Variants in NLRP14 observed in about 807,000 individuals in gnomAD.
The protein encoded by NLRP14 is NACHT, LRR and PYD domains-containing protein 14.
A neutral mutation model predicts 94.7 loss-of-function variants in NLRP14; 105 were observed. The ratio of observed to expected loss-of-function variants is 1.11; its 90% CI spans 0.95 to 1.30. The LOEUF (loss-of-function observed/expected upper bound fraction) is 1.30. NLRP14 is among the 50% of genes most tolerant of loss of function. The pLI, the probability that NLRP14 is intolerant of heterozygous loss-of-function variation, is 0.00. For synonymous variants in NLRP14, 508 were observed against 459.9 expected (o/e 1.10, Z -1.34); for missense variants, 1,362 against 1,254.1 (o/e 1.09, Z -1.30).
At chr11:7,049,192 A>T (rs1239079755) in intron 5 of NLRP14, among the ~76,000 whole-genome samples, 2 of 152,208 alleles carry the variant, frequency 1.3e-5, no homozygotes, top group Non-Finnish European at 2.9e-5. Flanking sequence ...ATTTAACTTC[A>T]TAATATTTTG....
intron 8 of NLRP14, among the ~76,000 whole-genome samples, chr11:7,058,742 C>A (rs758923525): frequency 2.0e-5 from 3 of 151,896 alleles, no homozygotes; most frequent in African/African-American, 7.2e-5. Flanking sequence ...AGATAATGCA[C>A]CTTGCTTAAT....
chr11:7,026,707 G>A (rs924089390), intron 1 of NLRP14, among the ~76,000 whole-genome samples: 3 of 150,190 alleles, frequency 2.0e-5, no homozygotes, highest in African/African-American at 4.9e-5. Context: ...ACATGCACAC[G>A]TATGTTTATT....
chr11:7,088,239 A>G, the NLRP14 span, among the ~76,000 whole-genome samples: 47 of 152,346 alleles, frequency 3.1e-4, no homozygotes, highest in African/African-American at 1.1e-3. Context: ...CGTACAGAGC[A>G]TATTAAAAAA....
the NLRP14 span, among the ~76,000 whole-genome samples, chr11:7,079,161 C>CT: frequency 6.6e-6 from 1 of 152,218 alleles, no homozygotes. Flanking sequence ...AAGATGATTC[C>CT]TTTTTCTCTT....
In NLRP14 at chr11:7,031,205, C is replaced by T. The variant is rs16921596; in HGVS notation, c.-21-7361C>T. ...CTTTTGGCGCTTATACCCTTTGCCA[C>T]CGACGCCTGGTGAGACCGAGGTATG... On this transcript the variant is annotated intron_variant, in intron 1 of 11. Coordinates refer to ENST00000299481, the MANE Select transcript of NLRP14 (RefSeq NM_176822.4). Among the ~76,000 whole-genome samples the T allele has an allele frequency of 8.0e-3, 1,225 of 152,346 alleles. 14 individuals carry two copies. The highest frequency in any genetic ancestry group is 0.027 in the African/African-American group (1,141 of 41,580).
chr11:7,078,535 A>G, the NLRP14 span, among the ~76,000 whole-genome samples: 2 of 151,014 alleles, frequency 1.3e-5, no homozygotes, highest in African/African-American at 4.9e-5. Flanking sequence ...CACACCTGTA[A>G]TCCCAGCACT....
chr11:7,022,453 A>G (rs1851960997), intron 1 of NLRP14, among the ~76,000 whole-genome samples: 1 of 152,226 alleles, frequency 6.6e-6, no homozygotes, highest in African/African-American at 2.4e-5. Context: ...AGAATTTTCC[A>G]TAATTTTGGT....
rs114451077 is a variant in NLRP14, at chr11:7,064,636, T to C, written c.2975+2133T>C. Among the ~76,000 whole-genome samples the C allele has an allele frequency of 5.3e-3, 813 of 152,194 alleles. 3 individuals carry two copies. The highest frequency in any genetic ancestry group is 0.013 in the African/African-American group (531 of 41,520). ...GGAGACCTTTGGTCTGGAGGAATCATACAAATGGGAGAGAGAGAAAAGCAT... is the reference window on the plus strand; with the variant it reads ...GGAGACCTTTGGTCTGGAGGAATCACACAAATGGGAGAGAGAGAAAAGCAT... On this transcript the variant is annotated intron_variant, in intron 10 of 11. Coordinates refer to ENST00000299481, the MANE Select transcript of NLRP14 (RefSeq NM_176822.4).
At chr11:7,063,944 A>G (rs1852666070) in intron 10 of NLRP14, among the ~76,000 whole-genome samples, 1 of 152,082 alleles carries the variant, frequency 6.6e-6, no homozygotes, top group Admixed American at 6.6e-5. Context: ...AAGATGGGCC[A>G]AAAGCAGCCC....
chr11:7,036,104 T>C (rs1203277626), intron 1 of NLRP14, among the ~76,000 whole-genome samples: 2 of 152,128 alleles, frequency 1.3e-5, no homozygotes, highest in African/African-American at 2.4e-5. Flanking sequence ...AATATAGTCA[T>C]TATTAATATG....
chr11:7,023,549 A>C (rs568091167), intron 1 of NLRP14, among the ~76,000 whole-genome samples: 3 of 146,884 alleles, frequency 2.0e-5, no homozygotes, highest in Non-Finnish European at 4.5e-5. Context: ...ATATTAATAT[A>C]TTTTATTTAT....
the NLRP14 span, among the ~76,000 whole-genome samples, chr11:7,077,108 C>T: frequency 2.0e-5 from 3 of 152,204 alleles, no homozygotes; most frequent in East Asian, 1.9e-4. Context: ...GGGTGCCCCA[C>T]GTTTCTGGTT....
At chr11:7,029,198 C>T (rs905647600) in intron 1 of NLRP14, among the ~76,000 whole-genome samples, 2 of 152,044 alleles carry the variant, frequency 1.3e-5, no homozygotes, top group Admixed American at 1.3e-4. Flanking sequence ...TTTATTTTAC[C>T]TTTATGCTTG....
chr11:7,025,365 G>A (rs548651028), intron 1 of NLRP14, among the ~76,000 whole-genome samples: 1 of 152,224 alleles, frequency 6.6e-6, no homozygotes, highest in East Asian at 1.9e-4. Context: ...GGATTTTCAA[G>A]AATTCAGAGC....
intron 3 of NLRP14, among the ~76,000 whole-genome samples, chr11:7,040,379 G>A (rs1852231111): frequency 6.6e-6 from 1 of 152,192 alleles, no homozygotes; most frequent in South Asian, 2.1e-4. Flanking sequence ...GAACCCTATT[G>A]TGAACTGTGC....
the NLRP14 span, among the ~76,000 whole-genome samples, chr11:7,087,790 G>C: frequency 6.6e-6 from 1 of 152,082 alleles, no homozygotes; most frequent in Non-Finnish European, 1.5e-5. Flanking sequence ...AGAAGGAAAG[G>C]TTTGGCTGAT....
intron 6 of NLRP14, among the ~76,000 whole-genome samples, chr11:7,052,035 G>C (rs74621037): frequency 0.031 from 4,719 of 152,226 alleles, 98 homozygotes; most frequent in Middle Eastern, 0.068. Flanking sequence ...CACATTATAG[G>C]CCTTATAATA....
intron 1 of NLRP14, among the ~76,000 whole-genome samples, chr11:7,021,071 T>G (rs566101144): frequency 6.6e-6 from 1 of 152,308 alleles, no homozygotes; most frequent in East Asian, 1.9e-4. Context: ...ATCAGTAATA[T>G]TCAAACATTT....
At chr11:7,022,334 G>A (rs1388531) in intron 1 of NLRP14, among the ~76,000 whole-genome samples, 88,473 of 152,078 alleles carry the variant, frequency 0.58, 26,688 homozygotes, top group East Asian at 0.73. Flanking sequence ...TGAAGAAACT[G>A]CCTTGCATGG....
Sources: allele counts gnomAD v4.1 joint callset (sites outside exome capture counted in the v4.1 genomes callset), GRCh38; gene constraint gnomAD v4.1.1; transcripts MANE v1.5; gene names NCBI Gene and HGNC (gene_info 2026-07-23, HGNC 2026-07-21).